Variants in FAM13A observed in about 807,000 individuals in gnomAD.
FAM13A encodes the protein protein FAM13A.
FAM13A carries 76 observed loss-of-function variants against 129.6 expected under a neutral mutation model. The ratio of observed to expected loss-of-function variants is 0.59; its 90% CI spans 0.49 to 0.71. The LOEUF is 0.71. FAM13A is among the 30% of genes least tolerant of loss of function. The probability of loss-of-function intolerance (pLI) is 0.00; values close to 1 mark genes in which losing one functional copy is unlikely to be tolerated. For synonymous variants in FAM13A, 443 were observed against 449.9 expected, an observed-to-expected ratio of 0.98 and a Z score of 0.20; for missense variants, 1,108 against 1,249.3, an observed-to-expected ratio of 0.89 and a Z score of 1.70.
At chr4:88,966,680 C>T (rs1259567182) in intron 4 of FAM13A, among the ~76,000 whole-genome samples, 1 of 152,038 alleles carries the variant, frequency 6.6e-6, no homozygotes. Context: ...TGAGAATAGT[C>T]CATAGAATAG....
chr4:89,006,582 C>A (rs1392293302), intron 3 of FAM13A, among the ~76,000 whole-genome samples: 1 of 152,180 alleles, frequency 6.6e-6, no homozygotes, highest in Non-Finnish European at 1.5e-5. Context: ...GGGTATGTTA[C>A]AATTAATGGT....
chr4:88,912,488 C>T (rs1431387456), intron 5 of FAM13A, among the ~76,000 whole-genome samples: 1 of 151,752 alleles, frequency 6.6e-6, no homozygotes, highest in Non-Finnish European at 1.5e-5. Context: ...TTGCAAACAG[C>T]ATATTATAGA....
chr4:88,921,068 C>G (rs1283135067), intron 5 of FAM13A, among the ~76,000 whole-genome samples: 1 of 152,074 alleles, frequency 6.6e-6, no homozygotes, highest in Non-Finnish European at 1.5e-5. Context: ...ACCAAATCTA[C>G]GTCTGATTGG....
intron 6 of FAM13A, among the ~76,000 whole-genome samples, chr4:88,889,404 T>A (rs956353463): frequency 6.6e-6 from 1 of 152,192 alleles, no homozygotes; most frequent in African/African-American, 2.4e-5. Flanking sequence ...GAAATTCTGG[T>A]CTTGTAAGCT....
intron 7 of FAM13A, among the ~76,000 whole-genome samples, chr4:88,837,060 T>C (rs1734939976): frequency 1.3e-5 from 2 of 151,558 alleles, no homozygotes; most frequent in South Asian, 4.2e-4. Context: ...AATGGCACGA[T>C]CTCCACTCAC....
At chr4:88,919,796 A>G (rs572090947) in intron 5 of FAM13A, among the ~76,000 whole-genome samples, 2 of 152,354 alleles carry the variant, frequency 1.3e-5, no homozygotes, top group Admixed American at 1.3e-4. Flanking sequence ...TTTCCTAGTC[A>G]AAGAAAGGGG....
chr4:88,788,442 C>A (rs1724428606), intron 9 of FAM13A, among the ~76,000 whole-genome samples: 1 of 152,088 alleles, frequency 6.6e-6, no homozygotes, highest in South Asian at 2.1e-4. Context: ...TGGGAAAAAA[C>A]TCACCAGAAC....
At chr4:88,875,541 T>C (rs1742255077) in intron 6 of FAM13A, among the ~76,000 whole-genome samples, 1 of 152,110 alleles carries the variant, frequency 6.6e-6, no homozygotes, top group East Asian at 1.9e-4. Context: ...GATGAAAAAA[T>C]GCTCATCATC....
intron 16 of FAM13A, among the ~76,000 whole-genome samples, chr4:88,749,337 G>A (rs952066610): frequency 6.6e-6 from 1 of 152,218 alleles, no homozygotes; most frequent in Non-Finnish European, 1.5e-5. Flanking sequence ...GACGAACAGT[G>A]TAGAAAACAG....
At chr4:88,893,141 T>C (rs951402993) in intron 6 of FAM13A, among the ~76,000 whole-genome samples, 1 of 152,184 alleles carries the variant, frequency 6.6e-6, no homozygotes, top group Non-Finnish European at 1.5e-5. Context: ...TATGAAAAAC[T>C]GCCCATTTGT....
intron 4 of FAM13A, among the ~76,000 whole-genome samples, chr4:88,948,344 G>T (rs1042192241): frequency 6.6e-6 from 1 of 152,098 alleles, no homozygotes; most frequent in Non-Finnish European, 1.5e-5. Context: ...ATCTTATGAA[G>T]ATCAAATTCT....
At chr4:89,007,126 T>C (rs1329552332) in intron 3 of FAM13A, among the ~76,000 whole-genome samples, 1 of 152,166 alleles carries the variant, frequency 6.6e-6, no homozygotes, top group Non-Finnish European at 1.5e-5. Context: ...ATTATCTCCA[T>C]TTAACAGGGA....
In FAM13A at chr4:88,851,200, A is replaced by AG. The variant is rs1554005564; in HGVS notation, c.844-18dup. 1.3e-6 allele frequency: 2 copies of AG among 1,553,454 alleles called. No homozygotes were observed. The highest frequency in any genetic ancestry group is 1.7e-6 in the Non-Finnish European group (2 of 1,144,186). ...TTTTGGGATCTAGAAGAAAAAAAAA[A>AG]GAGGGGTGGGGGAGAGCTAGATAAA... is the stretch of plus-strand genomic sequence containing the variant. On this transcript the variant is annotated splice_polypyrimidine_tract_variant and intron_variant, in intron 6 of 23. Coordinates refer to ENST00000264344, the MANE Select transcript of FAM13A (RefSeq NM_014883.4).
At chr4:88,937,317 T>G (rs947406912) in intron 5 of FAM13A, 11 of 152,188 alleles carry the variant, frequency 7.2e-5, no homozygotes, top group Admixed American at 2.0e-4. Context: ...AAAGAGTATG[T>G]TATGGTCTGT....
chr4:88,807,101 C>T (rs1330332036), intron 7 of FAM13A, among the ~76,000 whole-genome samples: 3 of 152,166 alleles, frequency 2.0e-5, no homozygotes, highest in Non-Finnish European at 4.4e-5. Flanking sequence ...AGATCCTTTA[C>T]TCTAACATGT....
chr4:88,728,792 C>T lies in FAM13A; in HGVS notation c.2946-133G>A, dbSNP rs1044313615. On this transcript the variant is annotated intron_variant, in intron 23 of 23. Coordinates refer to ENST00000264344, the MANE Select transcript of FAM13A (RefSeq NM_014883.4). Reference sequence around the variant, plus strand: ...TGTAGAATCAGTGTTGCCGAGTGGCCCTTGGTCTCAAGACTGGGGCTGGAT... The same window carrying T: ...TGTAGAATCAGTGTTGCCGAGTGGCTCTTGGTCTCAAGACTGGGGCTGGAT... 14 of 1,030,482 alleles carry T rather than the reference C, an allele frequency of 1.4e-5. No individual in the cohort carries two copies. The African/African-American group carries it at 2.1e-4, about 15-fold the overall frequency. 63.8% of individuals were successfully genotyped at this position (1,030,482 alleles called of 1,614,324 possible). A position where few individuals can be genotyped will look rare whatever the true frequency, so the allele number is the denominator to read the frequency against.
At chr4:88,923,735 T>C (rs905965994) in intron 5 of FAM13A, among the ~76,000 whole-genome samples, 1 of 152,164 alleles carries the variant, frequency 6.6e-6, no homozygotes, top group Non-Finnish European at 1.5e-5. Flanking sequence ...ATAAAGGGTA[T>C]TCAATTAGGA....
intron 5 of FAM13A, among the ~76,000 whole-genome samples, chr4:88,921,835 A>T (rs553209375): frequency 3.2e-4 from 49 of 152,280 alleles, no homozygotes; most frequent in African/African-American, 1.1e-3. Flanking sequence ...ACATAGGCTC[A>T]AAATAAAAGG....
intron 7 of FAM13A, among the ~76,000 whole-genome samples, chr4:88,847,050 G>C (rs1216070053): frequency 6.6e-6 from 1 of 152,124 alleles, no homozygotes; most frequent in Non-Finnish European, 1.5e-5. Context: ...TTGATAATTT[G>C]TCTCACAAGG....
Sources: gnomAD v4.1 joint callset for allele counts (sites outside exome capture counted in the v4.1 genomes callset) on GRCh38, gnomAD v4.1.1 for gene constraint, MANE v1.5 for transcripts, NCBI Gene and HGNC (gene_info 2026-07-23, HGNC 2026-07-21) for gene names.